IPO8: variants seen among roughly 807,000 people sequenced by gnomAD.
The protein encoded by IPO8 is importin 8.
A neutral mutation model predicts 141.2 loss-of-function variants in IPO8; 65 were observed. The ratio of observed to expected loss-of-function variants is 0.46; its 90% CI spans 0.38 to 0.57. The LOEUF is 0.57. Among genes scored for constraint, IPO8 ranks in the 20% least tolerant of loss-of-function variants. IPO8 has a pLI of 0.00. For synonymous variants in IPO8, 411 were observed against 420.3 expected, an observed-to-expected ratio of 0.98 and a Z score of 0.27; for missense variants, 980 against 1,246.8, an observed-to-expected ratio of 0.79 and a Z score of 3.22.
intron 19 of IPO8, 78 bp from the exon 20 acceptor site, chr12:30,649,310 A>G: frequency 1.0e-6 from 1 of 966,354 alleles, no homozygotes; most frequent in Non-Finnish European, 1.6e-6. Context: ...CAAATGTCCC[A>G]TATAAATTCA....
Position 30,631,986 on chromosome 12 carries a change from C to A in IPO8, c.2925G>T (p.Trp975Cys), listed in dbSNP as rs993631256. Residue 975 changes from tryptophan (W) to cysteine (C), a missense_variant, in exon 24 of 25, where the codon TGG becomes TGT. Physicochemically the swap from Trp to Cys is radical, Grantham distance 215. Coordinates refer to ENST00000256079, the MANE Select transcript of IPO8 (RefSeq NM_006390.4). ...LITVQSRDAA[W>C]YQLLMAPLSE... ...TGAGTGGTGCCATCAGCAGCTGGTA[C>A]CAGGCTGCATCTCGACTCTGCACAG... 3 of 1,612,746 alleles carry A rather than the reference C, an allele frequency of 1.9e-6. No homozygotes were observed. Among genetic ancestry groups the A allele is most frequent in the Non-Finnish European group, 2.5e-6 (3 of 1,179,860 alleles).
At chr12:30,646,537 A>C (rs2882761) in intron 20 of IPO8, among the ~76,000 whole-genome samples, 84,409 of 151,514 alleles carry the variant, frequency 0.56, 24,382 homozygotes, top group African/African-American at 0.71. Flanking sequence ...CCCAAACTGG[A>C]AAGGTAAAAC....
intron 14 of IPO8, 145 bp from the exon 15 acceptor site, chr12:30,662,632 C>A: frequency 1.5e-6 from 1 of 684,624 alleles, no homozygotes; most frequent in Non-Finnish European, 2.6e-6. Flanking sequence ...AGTTACAAAG[C>A]TGTACCTAAA....
intron 9 of IPO8, among the ~76,000 whole-genome samples, chr12:30,670,381 C>A (rs569900782): frequency 7.2e-5 from 11 of 152,238 alleles, no homozygotes; most frequent in African/African-American, 2.4e-4. Flanking sequence ...TATTTGTATA[C>A]AAGGAAGTAT....
chr12:30,641,306 T>C (rs536948397), intron 20 of IPO8, among the ~76,000 whole-genome samples: 2 of 152,216 alleles, frequency 1.3e-5, no homozygotes, highest in East Asian at 1.9e-4. Flanking sequence ...AGAATATCTA[T>C]TTTTTGTTTT....
intron 20 of IPO8, among the ~76,000 whole-genome samples, chr12:30,645,174 A>G (rs2052627729): frequency 6.6e-6 from 1 of 151,684 alleles, no homozygotes; most frequent in Non-Finnish European, 1.5e-5. Context: ...GGAGTTCGAG[A>G]TCAGCCTGGC....
intron 1 of IPO8, among the ~76,000 whole-genome samples, chr12:30,692,263 T>C (rs1302135085): frequency 6.6e-6 from 1 of 152,360 alleles, no homozygotes; most frequent in Non-Finnish European, 1.5e-5. Context: ...GAAAGTAATA[T>C]ACCTATTGCA....
intron 8 of IPO8, among the ~76,000 whole-genome samples, chr12:30,671,382 CAAT>C (rs1399841470): frequency 6.6e-6 from 1 of 152,090 alleles, no homozygotes; most frequent in Non-Finnish European, 1.5e-5. Flanking sequence ...TAAAAAATTA[CAAT>C]AACAGGAGCC....
chr12:30,632,055 T>C lies in IPO8; in HGVS notation c.2900-44A>G, dbSNP rs367855146. ...AAAAGACAGGAGGGTACAGCGACTA[T>C]TAATTTACAGAACAAGTAGTAACAT... On this transcript the variant is annotated intron_variant, in intron 23 of 24. Transcript: ENST00000256079. 5 of 1,296,142 alleles carry C rather than the reference T, an allele frequency of 3.9e-6. No homozygotes were observed. The African/African-American group carries it at 7.3e-5, about 19-fold the overall frequency. The allele number at this position is 1,296,142 out of a possible 1,614,324, so 80.3% of individuals were successfully genotyped here.
Position 30,637,203 on chromosome 12 carries a change from A to G in IPO8, c.2490-16T>C. On this transcript the variant is annotated splice_polypyrimidine_tract_variant and intron_variant, in intron 21 of 24. Transcript: ENST00000256079. ...GTCATGATGCCTGCAAATTTTGAAG[A>G]AAAAAAAAATGTAGACATGAGAAGT... 1 of 1,501,512 alleles carries G rather than the reference A, an allele frequency of 6.7e-7. No homozygotes were observed. Among genetic ancestry groups the G allele is most frequent in the Non-Finnish European group, 9.2e-7 (1 of 1,092,432 alleles). The allele number at this position is 1,501,512 out of a possible 1,614,324, so 93.0% of individuals were successfully genotyped here.
chr12:30,668,059 AAGAGAG>A (rs57185367), intron 10 of IPO8, among the ~76,000 whole-genome samples: 12 of 149,626 alleles, frequency 8.0e-5, no homozygotes, highest in South Asian at 4.2e-4. Context: ...GAACAAAAAA[AAGAGAG>A]AGAGAGAGAG....
chr12:30,635,805 T>C (rs986699767), intron 22 of IPO8, among the ~76,000 whole-genome samples: 6 of 152,058 alleles, frequency 3.9e-5, no homozygotes, highest in African/African-American at 1.4e-4. Flanking sequence ...TTATAACTAT[T>C]AATACAAAAA....
chr12:30,692,496 C>T (rs2053300022), intron 1 of IPO8, among the ~76,000 whole-genome samples: 1 of 152,146 alleles, frequency 6.6e-6, no homozygotes, highest in Non-Finnish European at 1.5e-5. Flanking sequence ...CTTCAGGCTT[C>T]GAGTTTCTAA....
At chr12:30,640,159 A>T (rs1203462134) in intron 20 of IPO8, among the ~76,000 whole-genome samples, 1 of 152,226 alleles carries the variant, frequency 6.6e-6, no homozygotes, top group Non-Finnish European at 1.5e-5. Context: ...TTTTTGAGAA[A>T]GAAAATTCCT....
intron 5 of IPO8, among the ~76,000 whole-genome samples, chr12:30,680,207 G>T (rs1396400396): frequency 6.6e-6 from 1 of 152,062 alleles, no homozygotes; most frequent in Non-Finnish European, 1.5e-5. Context: ...ATAGTTGCGA[G>T]TAATCAGGTT....
At chr12:30,650,301 CAAAAT>C (rs987707286) in intron 19 of IPO8, among the ~76,000 whole-genome samples, 14 of 151,986 alleles carry the variant, frequency 9.2e-5, no homozygotes, top group Non-Finnish European at 2.1e-4. Flanking sequence ...CATTCTCTCC[CAAAAT>C]GCTATCAAAA....
At position 30,630,916 on chromosome 12, in the gene IPO8, C is replaced by T. The variant is rs1218641422; in HGVS notation, c.3058G>A (p.Glu1020Lys). 1 of 1,613,594 alleles carries T rather than the reference C, an allele frequency of 6.2e-7. No individual in the cohort carries two copies. Among genetic ancestry groups the T allele is most frequent in the Non-Finnish European group, 8.5e-7 (1 of 1,179,988 alleles). Reference sequence around the variant, plus strand: ...AATGCGGAGAGGACTCCTTTGTTTTCAAAGGTGAAGCCTCCCTGTTGTTCA... The same window carrying T: ...AATGCGGAGAGGACTCCTTTGTTTTTAAAGGTGAAGCCTCCCTGTTGTTCA... ...KIEQQGGFTF[E>K]NKGVLSAFNF... The change falls in exon 25 of 25, where the codon GAA (glutamate) becomes AAA (lysine). Residue 1020 changes from glutamate (E) to lysine (K), a missense_variant. This residue lies in a region of IPO8 where 924 missense variants were observed against 1,153.9 expected (regional missense o/e 0.80). Coordinates refer to ENST00000256079, the MANE Select transcript of IPO8 (RefSeq NM_006390.4).
intron 3 of IPO8, among the ~76,000 whole-genome samples, chr12:30,682,414 A>T (rs947925589): frequency 6.6e-6 from 1 of 152,198 alleles, no homozygotes; most frequent in Non-Finnish European, 1.5e-5. Context: ...GCAATTCCTG[A>T]AGAGGAGAGC....
chr12:30,645,843 A>C (rs2052637949), intron 20 of IPO8, among the ~76,000 whole-genome samples: 1 of 152,172 alleles, frequency 6.6e-6, no homozygotes, highest in Non-Finnish European at 1.5e-5. Context: ...AAGAGACTGA[A>C]TTGGCCATTT....
Sources: gnomAD v4.1 joint callset for allele counts (sites outside exome capture counted in the v4.1 genomes callset) on GRCh38, gnomAD v4.1.1 for gene constraint, gnomAD v4.1.1 regional missense constraint, MANE v1.5 for transcripts, NCBI Gene and HGNC (gene_info 2026-07-23, HGNC 2026-07-21) for gene names.